The following MSANTD2 variants were observed in gnomAD, a reference collection of about 807,000 sequenced individuals.
MSANTD2 encodes the protein myb/SANT-like DNA-binding domain-containing protein 2.
Under a neutral mutation model 52.6 loss-of-function variants are expected in MSANTD2, and 19 were observed. That is an observed-to-expected ratio of 0.36 (90% CI 0.25 to 0.53). MSANTD2 has a LOEUF of 0.53. Among genes scored for constraint, MSANTD2 ranks in the 20% least tolerant of loss-of-function variants. MSANTD2 has a pLI of 0.91. For synonymous variants in MSANTD2, 291 were observed against 289.7 expected (o/e 1.00, Z -0.04); for missense variants, 558 against 716.3 (o/e 0.78, Z 2.52).
At chr11:124,786,408 T>C (rs1037757006) in intron 1 of MSANTD2, among the ~76,000 whole-genome samples, 1 of 152,208 alleles carries the variant, frequency 6.6e-6, no homozygotes, top group Admixed American at 6.5e-5. Context: ...ACCCAAACCA[T>C]TTACACATTA....
At chr11:124,768,991 C>A (rs1309191662) in intron 3 of MSANTD2, among the ~76,000 whole-genome samples, 1 of 152,180 alleles carries the variant, frequency 6.6e-6, no homozygotes, top group African/African-American at 2.4e-5. Flanking sequence ...TGGCAACAAA[C>A]TACTACCCTC....
At chr11:124,772,449 G>A (rs1383890380) in intron 3 of MSANTD2, among the ~76,000 whole-genome samples, 1 of 152,178 alleles carries the variant, frequency 6.6e-6, no homozygotes, top group Non-Finnish European at 1.5e-5. Flanking sequence ...AGAACGTATA[G>A]ACATCTGGCT....
intron 1 of MSANTD2, chr11:124,784,548 A>G: frequency 2.0e-6 from 2 of 985,222 alleles, no homozygotes; most frequent in African/African-American, 3.5e-5. Context: ...TTGCTTCCCA[A>G]ATACGAAGGT....
At chr11:124,788,035 TCGTGC>T (rs530655903) in intron 1 of MSANTD2, among the ~76,000 whole-genome samples, 1 of 149,390 alleles carries the variant, frequency 6.7e-6, no homozygotes, top group South Asian at 2.1e-4. Flanking sequence ...GTTGAGGTGA[TCGTGC>T]CACCGCACTC....
At position 124,800,224 on chromosome 11, in the gene MSANTD2, C is replaced by T. The variant is rs926451121; in HGVS notation, c.157G>A (p.Gly53Ser). 6.6e-6 allele frequency: 10 copies of T among 1,514,596 alleles called. No homozygotes were observed. In the Admixed American group the frequency reaches 1.1e-4, roughly 17 times the overall value. The allele number at this position is 1,514,596 out of a possible 1,614,324, so 93.8% of individuals were successfully genotyped here. A position where few individuals can be genotyped will look rare whatever the true frequency, so the allele number is the denominator to read the frequency against. ...GCTGCCCCCGAGCCCGCCGCACTGC[C>T]CGGCCCGAGCGGGGAGGCACCCCGA... is the stretch of plus-strand genomic sequence containing the variant. ...TPRGASPLGP[G>S]SAAGSGAAAS... is the part of the protein sequence containing the mutation. Residue 53 changes from glycine to serine, a missense_variant, in exon 1 of 4, where the codon GGC (glycine) becomes AGC (serine). By Grantham distance (56) the Gly-to-Ser change is moderately conservative. Around this residue, in one of 2 missense-constraint regions of MSANTD2, gnomAD observed 150 missense variants for 142.7 expected, o/e 1.05. Coordinates refer to ENST00000374979, the MANE Select transcript of MSANTD2 (RefSeq NM_001308027.2). This position sits in a 1 kb window ranked among gnomAD's most constrained non-coding sequence, Gnocchi z 4.3.
At chr11:124,772,141 G>C (rs1944547082) in intron 3 of MSANTD2, among the ~76,000 whole-genome samples, 1 of 152,156 alleles carries the variant, frequency 6.6e-6, no homozygotes, top group Admixed American at 6.5e-5. Flanking sequence ...GACTTTCTTA[G>C]TCTTTCCTCT....
chr11:124,773,725 T>A (rs149002837), intron 2 of MSANTD2, among the ~76,000 whole-genome samples: 1 of 152,352 alleles, frequency 6.6e-6, no homozygotes, highest in East Asian at 1.9e-4. Context: ...CCTTTTTCTT[T>A]GGAATTAACA....
intron 3 of MSANTD2, among the ~76,000 whole-genome samples, chr11:124,770,763 G>C (rs1398589627): frequency 6.8e-6 from 1 of 147,366 alleles, no homozygotes. Flanking sequence ...GTGCCACCAC[G>C]CCCAGCTAAT....
At chr11:124,771,020 C>G (rs1156941268) in intron 3 of MSANTD2, among the ~76,000 whole-genome samples, 1 of 152,148 alleles carries the variant, frequency 6.6e-6, no homozygotes, top group Non-Finnish European at 1.5e-5. Flanking sequence ...GCATGAGCCA[C>G]TGCACCCAGC....
chr11:124,788,343 G>T (rs12281103), intron 1 of MSANTD2, among the ~76,000 whole-genome samples: 1 of 151,938 alleles, frequency 6.6e-6, no homozygotes, highest in African/African-American at 2.4e-5. Context: ...AAAGCATGTA[G>T]ATCTTTCATT....
At chr11:124,782,609 G>A (rs1468479031) in intron 1 of MSANTD2, among the ~76,000 whole-genome samples, 1 of 152,090 alleles carries the variant, frequency 6.6e-6, no homozygotes, top group African/African-American at 2.4e-5. Context: ...ATTATCAAAT[G>A]CCACTTAAGA....
intron 3 of MSANTD2, among the ~76,000 whole-genome samples, chr11:124,770,891 C>T (rs1944495005): frequency 6.6e-6 from 1 of 152,038 alleles, no homozygotes. Context: ...CGCTACCATC[C>T]CTGGCTAATT....
chr11:124,770,257 T>C (rs1448372686), intron 3 of MSANTD2, among the ~76,000 whole-genome samples: 1 of 152,100 alleles, frequency 6.6e-6, no homozygotes, highest in Non-Finnish European at 1.5e-5. Flanking sequence ...GTGACTTTTT[T>C]GGAGAATAAA....
In MSANTD2 at chr11:124,800,159, G is replaced by A; in HGVS notation, c.222C>T (p.Ser74=). ...AGAAGGAGACCGAGGACGAGGCGGCGCTGCGGCCCCCCAGCCCCAGCCCGA... is the reference window on the plus strand; with the variant it reads ...AGAAGGAGACCGAGGACGAGGCGGCACTGCGGCCCCCCAGCCCCAGCCCGA... ...GGLGLGLGGR[S]AASSSVSFSP... Residue 74 remains serine (S), a synonymous_variant, in exon 1 of 4, where the codon AGC becomes AGT. Transcript: ENST00000374979. The surrounding 1 kb of genome is among the most constrained non-coding windows in gnomAD (Gnocchi z 4.3). The A allele has an allele frequency of 6.8e-7, 1 of 1,470,470 alleles. No individual in the cohort carries two copies. Among genetic ancestry groups the A allele is most frequent in the Non-Finnish European group, 8.9e-7 (1 of 1,118,768 alleles). The allele number at this position is 1,470,470 out of a possible 1,614,324, so 91.1% of individuals were successfully genotyped here. A position where few individuals can be genotyped will look rare whatever the true frequency, so the allele number is the denominator to read the frequency against.
intron 1 of MSANTD2, among the ~76,000 whole-genome samples, chr11:124,782,727 T>C (rs1472887413): frequency 6.6e-6 from 1 of 152,168 alleles, no homozygotes; most frequent in Non-Finnish European, 1.5e-5. Context: ...ACAGTGCTAA[T>C]CACATGAGGC....
intron 1 of MSANTD2, among the ~76,000 whole-genome samples, chr11:124,777,550 G>A (rs1321140417): frequency 6.6e-6 from 1 of 152,182 alleles, no homozygotes; most frequent in African/African-American, 2.4e-5. Context: ...TGTGAATAAG[G>A]AAACTAGCAG....
chr11:124,769,980 G>A (rs541823500), intron 3 of MSANTD2, among the ~76,000 whole-genome samples: 17 of 152,354 alleles, frequency 1.1e-4, no homozygotes, highest in African/African-American at 4.1e-4. Context: ...TGAGCCTGAA[G>A]CTGATTTGGG....
In MSANTD2 at chr11:124,768,032, GA is replaced by G; in HGVS notation, c.828-5del. ...ATTCTGCATGATGTCTCTCTTCCTG[GA>G]AAGACAAATAAAAGTCAAATTCCCT... On this transcript the variant is annotated splice_region_variant and splice_polypyrimidine_tract_variant and intron_variant, in intron 3 of 3. Coordinates refer to ENST00000374979, the MANE Select transcript of MSANTD2 (RefSeq NM_001308027.2). The G allele has an allele frequency of 6.3e-7, 1 of 1,591,622 alleles. No individual in the cohort carries two copies.
At position 124,766,989 on chromosome 11, in the gene MSANTD2, T is replaced by A; in HGVS notation, c.*187A>T. ...TATCTTGCTTGCTCAAAATGAGCAT[T>A]TTCAGGTGAGGTCTGTTTTTTCTGG... On this transcript the variant is annotated 3_prime_UTR_variant, in exon 4 of 4. Transcript: ENST00000374979. The A allele has an allele frequency of 1.7e-6, 1 of 576,310 alleles. No individual in the cohort carries two copies. Among genetic ancestry groups the A allele is most frequent in the South Asian group, 3.3e-5 (1 of 30,670 alleles). 35.7% of individuals were successfully genotyped at this position (576,310 alleles called of 1,614,324 possible).
Sources: gnomAD v4.1 joint callset for allele counts (sites outside exome capture counted in the v4.1 genomes callset) on GRCh38, gnomAD v4.1.1 for gene constraint, gnomAD v4.1.1 regional missense constraint, Gnocchi (gnomAD v3.1) non-coding constraint, MANE v1.5 for transcripts, NCBI Gene and HGNC (gene_info 2026-07-23, HGNC 2026-07-21) for gene names.